REV3L: variants seen among roughly 807,000 people sequenced by gnomAD.
The protein encoded by REV3L is REV3 like, DNA directed polymerase zeta catalytic subunit, also known as DNA polymerase zeta catalytic subunit.
REV3L carries 69 observed loss-of-function variants against 299.4 expected under a neutral mutation model. The ratio of observed to expected loss-of-function variants is 0.23; its 90% CI spans 0.19 to 0.28. REV3L has a LOEUF of 0.28. Among genes scored for constraint, REV3L ranks in the 10% least tolerant of loss-of-function variants. The pLI is 1.00. For missense variants in REV3L, 3,128 were observed against 3,693.8 expected (o/e 0.85, Z 3.97); for synonymous variants, 1,238 against 1,271.4 (o/e 0.97, Z 0.56).
chr6:111,410,946 G>A (rs1372979353), intron 3 of REV3L, among the ~76,000 whole-genome samples: 1 of 152,082 alleles, frequency 6.6e-6, no homozygotes, highest in Non-Finnish European at 1.5e-5. Context: ...TTCCATATAT[G>A]TGCCCTTCCC....
At chr6:111,471,040 A>G (rs1481340254) in intron 1 of REV3L, among the ~76,000 whole-genome samples, 1 of 152,118 alleles carries the variant, frequency 6.6e-6, no homozygotes, top group African/African-American at 2.4e-5. Context: ...AAAACCTAGG[A>G]ATGTATGTAG....
intron 19 of REV3L, among the ~76,000 whole-genome samples, 180 bp downstream of exon 19, chr6:111,351,496 T>G (rs1028218806): frequency 6.6e-6 from 1 of 152,198 alleles, no homozygotes; most frequent in Admixed American, 6.5e-5. Context: ...GCAGTGAGAC[T>G]AGAATATTTT....
chr6:111,366,653 T>C (rs966812133), intron 14 of REV3L, among the ~76,000 whole-genome samples: 5 of 152,130 alleles, frequency 3.3e-5, no homozygotes, highest in African/African-American at 1.2e-4. Context: ...TAATGTAGAA[T>C]GACAGGGGCA....
rs1192743753 is a variant in REV3L, at chr6:111,303,161, C to CTTTTTTTTT, written c.9253-3006_9253-3005insAAAAAAAAA. Among the ~76,000 whole-genome samples, 197 of 55,412 alleles carry CTTTTTTTTT rather than the reference C, an allele frequency of 3.6e-3. 3 individuals are homozygous for CTTTTTTTTT. The highest frequency in any genetic ancestry group is 7.1e-3 in the Admixed American group (34 of 4,774). 36.4% of individuals were successfully genotyped at this position (55,412 alleles called of 152,430 possible). On this transcript the variant is annotated intron_variant, in intron 31 of 31. Transcript: ENST00000368802. ...TTGAAATGTACTGAGGCTTTCTTTT[C>CTTTTTTTTT]TTTCTTTTTTTTTTTTTTTTTGAGA...
At position 111,372,933 on chromosome 6, in the gene REV3L, C is replaced by T. The variant is rs774349278; in HGVS notation, c.5422G>A (p.Gly1808Arg). ...GTATTGGCTGAGTCAAGAGACTGTC[C>T]CATTTCTTTTCTGGTGTGACCTTGA... ...WIQGHTRKEMGQSLDSANTSF... is the reference protein window; with the variant it reads ...WIQGHTRKEMRQSLDSANTSF... The change falls in exon 13 of 32, where the codon GGA (glycine) becomes AGA (arginine). Residue 1808 changes from glycine to arginine, a missense_variant. Transcript: ENST00000368802. 9 of 1,613,872 alleles carry T rather than the reference C, an allele frequency of 5.6e-6. No homozygotes were observed. Among genetic ancestry groups the T allele is most frequent in the South Asian group, 2.2e-5 (2 of 91,072 alleles).
chr6:111,477,965 A>G (rs1436418736), intron 1 of REV3L, among the ~76,000 whole-genome samples: 1 of 152,228 alleles, frequency 6.6e-6, no homozygotes, highest in Non-Finnish European at 1.5e-5. Context: ...CAGATTTGCC[A>G]AAAGATTTAT....
At chr6:111,368,798 C>T (rs1779480160) in intron 13 of REV3L, among the ~76,000 whole-genome samples, 1 of 152,182 alleles carries the variant, frequency 6.6e-6, no homozygotes, top group South Asian at 2.1e-4. Flanking sequence ...TCTACTTCTT[C>T]ATGTTAACTT....
chr6:111,442,740 C>T (rs888558199), intron 1 of REV3L, among the ~76,000 whole-genome samples: 16 of 152,174 alleles, frequency 1.1e-4, no homozygotes, highest in Non-Finnish European at 2.4e-4. Flanking sequence ...TCAATTCTGC[C>T]TTATCAGTTG....
rs1778249115 is a variant in REV3L at position 111,357,791 on chromosome 6, C to T, written c.7073-666G>A. Among the ~76,000 whole-genome samples, 5 of 152,202 alleles carry T rather than the reference C, an allele frequency of 3.3e-5. 1 individual carries two copies. The South Asian group carries it at 1.0e-3, about 32-fold the overall frequency. ...CAGGAGAGCTTTGCTTAGCACAGGA[C>T]ATTTTAATCTCTGGTATGATGAAAA... On this transcript the variant is annotated intron_variant, in intron 17 of 31. Coordinates refer to ENST00000368802, the MANE Select transcript of REV3L (RefSeq NM_001372078.1).
intron 1 of REV3L, among the ~76,000 whole-genome samples, chr6:111,465,563 A>G (rs1195631341): frequency 1.3e-5 from 2 of 151,376 alleles, no homozygotes; most frequent in African/African-American, 4.8e-5. Flanking sequence ...GTGAAACCCC[A>G]TCTCTTCTAA....
chr6:111,437,460 T>C (rs1392704957), intron 1 of REV3L, among the ~76,000 whole-genome samples: 1 of 151,686 alleles, frequency 6.6e-6, no homozygotes, highest in Admixed American at 6.6e-5. Context: ...ATTAAAATAT[T>C]TCAATTAAAA....
chr6:111,307,449 C>A lies in REV3L; in HGVS notation c.9164G>T (p.Ser3055Ile). ...ATGCTGAGGTTGGCTCCGACATTTA[C>A]TACAGATGCCATGCTGAGTTAGGTC... ...CDDLTQHGIC[S>I]KCRSQPQHVA... The change falls in exon 31 of 32, where the codon AGT becomes ATT. Residue 3055 changes from serine (S) to isoleucine (I), a missense_variant. Transcript: ENST00000368802. 6.2e-7 allele frequency: 1 copy of A among 1,614,190 alleles called. No individual in the cohort carries two copies. The highest frequency in any genetic ancestry group is 2.2e-5 in the East Asian group (1 of 44,886).
chr6:111,319,468 GAA>G (rs79693743), intron 26 of REV3L, among the ~76,000 whole-genome samples: 1 of 138,806 alleles, frequency 7.2e-6, no homozygotes. Context: ...TCTGTCTCAG[GAA>G]AAAAAAAAAA....
chr6:111,397,258 CCT>C (rs1782611032), intron 4 of REV3L, among the ~76,000 whole-genome samples: 2 of 151,816 alleles, frequency 1.3e-5, no homozygotes, highest in Non-Finnish European at 2.9e-5. Flanking sequence ...TATAAACTTA[CCT>C]CTTAGTACTG....
chr6:111,427,194 T>C (rs1187698015), intron 1 of REV3L, among the ~76,000 whole-genome samples: 1 of 152,204 alleles, frequency 6.6e-6, no homozygotes, highest in Non-Finnish European at 1.5e-5. Flanking sequence ...ATATTATTGG[T>C]AATTAACATT....
chr6:111,342,116 C>G (rs1776552642), intron 21 of REV3L, among the ~76,000 whole-genome samples: 1 of 152,174 alleles, frequency 6.6e-6, no homozygotes, highest in Non-Finnish European at 1.5e-5. Context: ...TAGGAAACAC[C>G]TTGGGCCTGG....
intron 3 of REV3L, among the ~76,000 whole-genome samples, chr6:111,409,675 A>G (rs1367378135): frequency 6.6e-6 from 1 of 152,196 alleles, no homozygotes; most frequent in Non-Finnish European, 1.5e-5. Flanking sequence ...AGAATAGTAA[A>G]GAGACAATTA....
Sources: gnomAD v4.1 joint callset for allele counts (sites outside exome capture counted in the v4.1 genomes callset) on GRCh38, gnomAD v4.1.1 for gene constraint, MANE v1.5 for transcripts, NCBI Gene and HGNC (gene_info 2026-07-23, HGNC 2026-07-21) for gene names.